CACNA1B: variants seen among roughly 807,000 people sequenced by gnomAD.
The protein encoded by CACNA1B is calcium voltage-gated channel subunit alpha1 B.
Under a neutral mutation model 247.2 loss-of-function variants are expected in CACNA1B, and 70 were observed. The observed-to-expected ratio is 0.28, with a 90% confidence interval of 0.23 to 0.35. The LOEUF (loss-of-function observed/expected upper bound fraction) is 0.35. Among genes scored for constraint, CACNA1B ranks in the 10% least tolerant of loss-of-function variants. The probability of loss-of-function intolerance (pLI) is 1.00; values close to 1 mark genes in which losing one functional copy is unlikely to be tolerated. For synonymous variants in CACNA1B, 1,231 were observed against 1,294.4 expected (o/e 0.95, Z 1.05); for missense variants, 2,367 against 3,197.4 (o/e 0.74, Z 6.26).
chr9:137,959,241 T>C (rs187391767), intron 10 of CACNA1B, among the ~76,000 whole-genome samples: 2 of 152,214 alleles, frequency 1.3e-5, no homozygotes, highest in Admixed American at 6.5e-5. Flanking sequence ...CCAGCTAATT[T>C]TTTGTATTTT....
At chr9:138,065,815 A>G (rs1959894829) in intron 31 of CACNA1B, among the ~76,000 whole-genome samples, 2 of 152,172 alleles carry the variant, frequency 1.3e-5, no homozygotes, top group Non-Finnish European at 2.9e-5. Flanking sequence ...GTGGATGCTA[A>G]TGATATCTTG....
At chr9:138,061,388 T>C (rs1172450102) in intron 31 of CACNA1B, among the ~76,000 whole-genome samples, 2 of 152,210 alleles carry the variant, frequency 1.3e-5, no homozygotes, top group African/African-American at 4.8e-5. Context: ...TCTGGAGCGA[T>C]GGTGAGACAG....
chr9:138,106,118 C>T (rs1185398650), intron 39 of CACNA1B, among the ~76,000 whole-genome samples: 3 of 152,206 alleles, frequency 2.0e-5, no homozygotes, highest in Admixed American at 1.3e-4. Context: ...TCAAGCCTCA[C>T]CACAGCCAGC....
chr9:138,000,396 C>T (rs939734469), intron 15 of CACNA1B, among the ~76,000 whole-genome samples: 1 of 152,050 alleles, frequency 6.6e-6, no homozygotes, highest in Admixed American at 6.6e-5. Context: ...CCGTGCCTGG[C>T]CAAAACATGC....
Position 138,057,999 on chromosome 9 carries a change from G to A in CACNA1B, c.4107-50G>A. 1 of 1,576,906 alleles carries A rather than the reference G, an allele frequency of 6.3e-7. No individual in the cohort carries two copies. Among genetic ancestry groups the A allele is most frequent in the East Asian group, 2.2e-5 (1 of 44,670 alleles). On this transcript the variant is annotated intron_variant, in intron 27 of 46. Transcript: ENST00000371372. This position sits in a 1 kb window ranked among gnomAD's most constrained non-coding sequence, Gnocchi z 4.0. ...TGTGGTGCAGGTCTTGAGTTCTTAG[G>A]GCTGTCTCCTTTGGGGGTTCCCCTG...
chr9:138,023,588 G>T lies in CACNA1B; in HGVS notation c.2845G>T (p.Gly949Cys). The T allele has an allele frequency of 9.3e-7, 1 of 1,077,024 alleles. No homozygotes were observed. 66.7% of individuals were successfully genotyped at this position (1,077,024 alleles called of 1,614,324 possible). A position where few individuals can be genotyped will look rare whatever the true frequency, so the allele number is the denominator to read the frequency against. Reference sequence around the variant, plus strand: ...CCAGGATCCGAGCAAGGAGTGCGCCGGCGCCAAGGGCGAGCGGCGCGCGCG... The same window carrying T: ...CCAGGATCCGAGCAAGGAGTGCGCCTGCGCCAAGGGCGAGCGGCGCGCGCG... Reference protein sequence around the residue: ...RHQDPSKECAGAKGERRARHR... With the variant: ...RHQDPSKECACAKGERRARHR... Residue 949 changes from glycine (G) to cysteine (C), a missense_variant, in exon 19 of 47, where the codon GGC (glycine) becomes TGC (cysteine). Transcript: ENST00000371372.
intron 39 of CACNA1B, among the ~76,000 whole-genome samples, chr9:138,110,565 A>G (rs1179280192): frequency 6.6e-6 from 1 of 152,166 alleles, no homozygotes; most frequent in Middle Eastern, 3.2e-3. Context: ...TGTCTCTACA[A>G]AAAATAATTT....
In CACNA1B at chr9:138,013,916, G is replaced by C. The variant is rs187894941; in HGVS notation, c.2267+681G>C. Among the ~76,000 whole-genome samples, 4 of 152,348 alleles carry C rather than the reference G, an allele frequency of 2.6e-5. No individual in the cohort carries two copies. The South Asian group carries it at 6.2e-4, about 24-fold the overall frequency. ...AAGAGTGCAGAGATGCCCTTACTGG[G>C]AGCTTGTTCTCTAGGCCCAGCTGAA... On this transcript the variant is annotated intron_variant, in intron 18 of 46. Transcript: ENST00000371372.
rs752098211 is a variant in CACNA1B, at chr9:137,892,056, C to T, written c.530+9173C>T. 9 of 457,248 alleles carry T rather than the reference C, an allele frequency of 2.0e-5. No individual in the cohort carries two copies. In the East Asian group the frequency reaches 6.2e-4, roughly 32 times the overall value. 28.3% of individuals were successfully genotyped at this position (457,248 alleles called of 1,614,324 possible). On this transcript the variant is annotated intron_variant, in intron 3 of 46. Transcript: ENST00000371372. ...CTCTGTGTCTTCTCCACTCCCACCC[C>T]TTCTTCCCCACCAGGCTGGCCTCTC...
intron 3 of CACNA1B, among the ~76,000 whole-genome samples, chr9:137,896,522 A>G (rs937496037): frequency 1.3e-5 from 2 of 152,100 alleles, no homozygotes; most frequent in Non-Finnish European, 1.5e-5. Context: ...GCTGAAGTCT[A>G]TTTGCCAATA....
In CACNA1B at chr9:138,118,747, C is replaced by A; in HGVS notation, c.6009C>A (p.Pro2003=). 1 of 1,527,632 alleles carries A rather than the reference C, an allele frequency of 6.5e-7. No homozygotes were observed. Among genetic ancestry groups the A allele is most frequent in the East Asian group, 2.4e-5 (1 of 40,824 alleles). The allele number at this position is 1,527,632 out of a possible 1,614,324, so 94.6% of individuals were successfully genotyped here. A position where few individuals can be genotyped will look rare whatever the true frequency, so the allele number is the denominator to read the frequency against. ...LESQGRAASM[P]RLAAETQPVT... ...GCCAGGGTCGAGCGGCCTCCATGCC[C>A]CGCCTTGCGGCCGAGACTCAGGTAG... The change falls in exon 44 of 47, where the codon CCC becomes CCA. Residue 2003 remains proline (P), a synonymous_variant. Transcript: ENST00000371372.
chr9:138,053,707 A>G, intron 25 of CACNA1B, 139 bp from the exon 26 acceptor site: 1 of 542,636 alleles, frequency 1.8e-6, no homozygotes, highest in Non-Finnish European at 3.3e-6. Context: ...CCATTCCCTT[A>G]CGGCCATGCC....
chr9:138,007,402 CTCTGCCCTAGCAAGGGACCA>C lies in CACNA1B; in HGVS notation c.2092+520_2092+539del, dbSNP rs6151231. ...AGCGAGCCCAGCCGCCGGTGGTGAGCTCTGCCCTAGCAAGGGACCATGATAGGGACAGGGCTGTGGCCAAG... is the reference window on the plus strand; with the variant it reads ...AGCGAGCCCAGCCGCCGGTGGTGAGCTGATAGGGACAGGGCTGTGGCCAAG... On this transcript the variant is annotated intron_variant, in intron 16 of 46. Transcript: ENST00000371372. The surrounding 1 kb of genome is among the most constrained non-coding windows in gnomAD (Gnocchi z 4.1). Among the ~76,000 whole-genome samples the C allele has an allele frequency of 0.29, 44,075 of 152,018 alleles. 9,091 individuals carry two copies. The highest frequency in any genetic ancestry group is 0.64 in the East Asian group (3,269 of 5,136).
intron 26 of CACNA1B, among the ~76,000 whole-genome samples, chr9:138,056,069 A>G (rs1239053161): frequency 6.6e-6 from 1 of 152,136 alleles, no homozygotes; most frequent in Non-Finnish European, 1.5e-5. Flanking sequence ...CTTTATTGAG[A>G]TGTAACTAAC....
At chr9:138,119,526 G>C (rs921817346) in intron 44 of CACNA1B, among the ~76,000 whole-genome samples, 1 of 152,126 alleles carries the variant, frequency 6.6e-6, no homozygotes, top group Non-Finnish European at 1.5e-5. Context: ...TCTGAACCTC[G>C]TCCGTGGCTC....
At position 138,115,612 on chromosome 9, in the gene CACNA1B, G is replaced by A; in HGVS notation, c.5710G>A (p.Val1904Met). 1 of 1,613,790 alleles carries A rather than the reference G, an allele frequency of 6.2e-7. No homozygotes were observed. Among genetic ancestry groups the A allele is most frequent in the Non-Finnish European group, 8.5e-7 (1 of 1,179,822 alleles). Residue 1904 changes from valine (V) to methionine (M), a missense_variant, in exon 42 of 47, where the codon GTG becomes ATG. Coordinates refer to ENST00000371372, the MANE Select transcript of CACNA1B (RefSeq NM_000718.4). ...CACCCTGGAGCAGACACAGCCGGCT[G>A]TGCTCCGAGGAGCCCGGGTTTTCCT... Reference protein sequence around the residue: ...KATLEQTQPAVLRGARVFLRQ... With the variant: ...KATLEQTQPAMLRGARVFLRQ...
At position 138,011,117 on chromosome 9, in the gene CACNA1B, C is replaced by T. The variant is rs559165927; in HGVS notation, c.2160+1040C>T. On this transcript the variant is annotated intron_variant, in intron 17 of 46. Coordinates refer to ENST00000371372, the MANE Select transcript of CACNA1B (RefSeq NM_000718.4). The surrounding 1 kb of genome is among the most constrained non-coding windows in gnomAD (Gnocchi z 4.2). ...CCTAGGGGCCCGGATTCCTCCCTGGCGCTCTGGTTTCTGGCTTCTCTCTGT... is the reference window on the plus strand; with the variant it reads ...CCTAGGGGCCCGGATTCCTCCCTGGTGCTCTGGTTTCTGGCTTCTCTCTGT... 1.3e-4 allele frequency among the ~76,000 whole-genome samples: 20 copies of T among 152,322 alleles called. No individual in the cohort carries two copies. Among genetic ancestry groups the T allele is most frequent in the African/African-American group, 3.4e-4 (14 of 41,572 alleles).
Position 137,984,131 on chromosome 9 carries a change from G to A in CACNA1B, c.1657-7G>A, listed in dbSNP as rs760044622. The A allele has an allele frequency of 1.6e-5, 25 of 1,584,270 alleles. No individual in the cohort carries two copies. The highest frequency in any genetic ancestry group is 1.7e-4 in the Middle Eastern group (1 of 6,056). ...GTGCACCCAAGGCTAATGCCATCCC[G>A]TTGCAGGTCATCGTGGGGAGCGTCT... On this transcript the variant is annotated splice_region_variant and splice_polypyrimidine_tract_variant and intron_variant, in intron 12 of 46. Coordinates refer to ENST00000371372, the MANE Select transcript of CACNA1B (RefSeq NM_000718.4).
intron 3 of CACNA1B, among the ~76,000 whole-genome samples, chr9:137,912,308 A>T (rs1957367775): frequency 6.6e-6 from 1 of 152,192 alleles, no homozygotes; most frequent in Admixed American, 6.5e-5. Flanking sequence ...AAAAGAAACT[A>T]AGAAGGAGCC....
Sources: gnomAD v4.1 joint callset for allele counts (sites outside exome capture counted in the v4.1 genomes callset) on GRCh38, gnomAD v4.1.1 for gene constraint, Gnocchi (gnomAD v3.1) non-coding constraint, MANE v1.5 for transcripts, NCBI Gene and HGNC (gene_info 2026-07-23, HGNC 2026-07-21) for gene names.